Variants in ZFHX3 observed in about 807,000 individuals in gnomAD.
The protein encoded by ZFHX3 is zinc finger homeobox 3, also known as zinc finger homeobox protein 3.
ZFHX3 carries 42 observed loss-of-function variants against 279.1 expected under a neutral mutation model. The ratio of observed to expected loss-of-function variants is 0.15; its 90% CI spans 0.12 to 0.19. The LOEUF is 0.19. Ranked by LOEUF, ZFHX3 falls within the 10% of genes least tolerant of loss-of-function variation. The probability of loss-of-function intolerance (pLI) is 1.00; values close to 1 mark genes in which losing one functional copy is unlikely to be tolerated. For missense variants in ZFHX3, 4,981 were observed against 4,754.0 expected, an observed-to-expected ratio of 1.05 and a Z score of -1.40; for synonymous variants, 2,293 against 1,957.8, an observed-to-expected ratio of 1.17 and a Z score of -4.52.
chr16:72,955,563 G>A (rs1197162073), intron 2 of ZFHX3, among the ~76,000 whole-genome samples: 4 of 152,166 alleles, frequency 2.6e-5, no homozygotes, highest in African/African-American at 4.8e-5. Flanking sequence ...CAGATCACCT[G>A]AGGTCAAGGG....
chr16:73,700,136 T>A (rs1248586717), intron 1 of ZFHX3, among the ~76,000 whole-genome samples: 2 of 152,056 alleles, frequency 1.3e-5, no homozygotes, highest in Admixed American at 1.3e-4. Flanking sequence ...TGTGGGAGGA[T>A]CACTTGAGCT....
intron 1 of ZFHX3, among the ~76,000 whole-genome samples, chr16:73,835,069 G>A (rs903256275): frequency 6.6e-6 from 1 of 152,164 alleles, no homozygotes; most frequent in East Asian, 1.9e-4. Flanking sequence ...GGTAGCAAAG[G>A]TGCCACTCTA....
At chr16:73,375,037 G>C (rs919029815) in intron 3 of ZFHX3, among the ~76,000 whole-genome samples, 7 of 152,066 alleles carry the variant, frequency 4.6e-5, no homozygotes, top group African/African-American at 1.7e-4. Context: ...CACAAAATGG[G>C]CATCTTAATT....
chr16:72,831,217 GGAA>G (rs1053176533), intron 4 of ZFHX3, among the ~76,000 whole-genome samples: 1 of 152,146 alleles, frequency 6.6e-6, no homozygotes, highest in African/African-American at 2.4e-5. Context: ...AAAACACTGA[GGAA>G]GAAGATGTCT....
intron 3 of ZFHX3, among the ~76,000 whole-genome samples, chr16:72,938,748 G>T (rs1211860525): frequency 6.6e-6 from 1 of 152,220 alleles, no homozygotes; most frequent in African/African-American, 2.4e-5. Context: ...TGGATTCCGA[G>T]TTGGACACAA....
intron 5 of ZFHX3, among the ~76,000 whole-genome samples, chr16:73,248,766 A>G (rs888162036): frequency 1.3e-5 from 2 of 152,174 alleles, no homozygotes; most frequent in African/African-American, 2.4e-5. Context: ...TCTAGACCAC[A>G]TGAGTAACGT....
chr16:73,785,740 G>A (rs1959623119), intron 1 of ZFHX3, among the ~76,000 whole-genome samples: 4 of 152,162 alleles, frequency 2.6e-5, no homozygotes, highest in Admixed American at 2.6e-4. Context: ...CATTTCCAGA[G>A]CTTCTATTGG....
chr16:73,174,471 G>C (rs1001228031), intron 5 of ZFHX3, among the ~76,000 whole-genome samples: 3 of 152,042 alleles, frequency 2.0e-5, no homozygotes, highest in Non-Finnish European at 4.4e-5. Flanking sequence ...TGGTAGAAGG[G>C]GGCTGGTATT....
intron 5 of ZFHX3, among the ~76,000 whole-genome samples, chr16:73,157,072 A>G (rs1967105412): frequency 6.6e-6 from 1 of 152,066 alleles, no homozygotes; most frequent in Admixed American, 6.6e-5. Context: ...CCCGGGATAT[A>G]AGCCACGTTT....
chr16:72,798,035 G>A lies in ZFHX3; in HGVS notation c.4647C>T (p.Val1549=). 1 of 1,614,230 alleles carries A rather than the reference G, an allele frequency of 6.2e-7. No homozygotes were observed. ...LDPSRPYKCT[V]CKESFTQKNI... is the part of the protein sequence containing the mutation. ...TCTTTTGAGTGAAAGATTCCTTGCA[G>A]ACGGTACACTTGTAAGGGCGAGAAG... The change falls in exon 9 of 10, where the codon GTC becomes GTT. Residue 1549 remains valine, a synonymous_variant. Coordinates refer to ENST00000268489, the MANE Select transcript of ZFHX3 (RefSeq NM_006885.4).
intron 4 of ZFHX3, among the ~76,000 whole-genome samples, chr16:73,273,660 C>T (rs778189273): frequency 1.6e-4 from 25 of 152,154 alleles, no homozygotes; most frequent in Non-Finnish European, 2.9e-4. Flanking sequence ...TTTGTAAAGG[C>T]TATAGAGTAT....
At position 72,797,458 on chromosome 16, in the gene ZFHX3, CTTGTTGTTGTTG is replaced by C. The variant is rs34918837; in HGVS notation, c.5212_5223del (p.Gln1738_Gln1741del). On this transcript the variant is annotated inframe_deletion, in exon 9 of 10. Transcript: ENST00000268489. Reference sequence around the variant, plus strand: ...GCCTGGGCCTGGGCCAGCGTTTGTGCTTGTTGTTGTTGTTGTTGTTGTTGTTGTTGCTGTTGC... The same window carrying C: ...GCCTGGGCCTGGGCCAGCGTTTGTGCTTGTTGTTGTTGTTGTTGCTGTTGC... 1,151 of 1,606,010 alleles carry C rather than the reference CTTGTTGTTGTTG, an allele frequency of 7.2e-4. 3 individuals are homozygous for C. In the African/African-American group the frequency reaches 0.01, roughly 14 times the overall value.
rs1168560703 is a variant in ZFHX3, at chr16:72,782,893, A to G, written c.*4271T>C. 3 of 152,454 alleles carry G rather than the reference A, an allele frequency of 2.0e-5. No individual in the cohort carries two copies. The highest frequency in any genetic ancestry group is 4.4e-5 in the Non-Finnish European group (3 of 68,002). The allele number at this position is 152,454 out of a possible 1,614,324, so 9.4% of individuals were successfully genotyped here. On this transcript the variant is annotated 3_prime_UTR_variant, in exon 10 of 10. Coordinates refer to ENST00000268489, the MANE Select transcript of ZFHX3 (RefSeq NM_006885.4). Reference sequence around the variant, plus strand: ...GTAACAGAGACAGGAGCTTTTGCTCATATTTTTTTTTTAATGTATCACAAT... The same window carrying G: ...GTAACAGAGACAGGAGCTTTTGCTCGTATTTTTTTTTTAATGTATCACAAT...
chr16:73,371,477 T>C (rs1401472152), intron 3 of ZFHX3, among the ~76,000 whole-genome samples: 2 of 151,834 alleles, frequency 1.3e-5, no homozygotes, highest in African/African-American at 4.8e-5. Context: ...CTCCACTTCC[T>C]GCCAACCTCC....
chr16:73,624,767 G>A (rs1460162011), intron 2 of ZFHX3, among the ~76,000 whole-genome samples: 3 of 152,130 alleles, frequency 2.0e-5, no homozygotes, highest in African/African-American at 4.8e-5. Context: ...GGAGGTCACC[G>A]TAAGAAGTCC....
At chr16:73,705,435 C>G (rs922993304) in intron 1 of ZFHX3, among the ~76,000 whole-genome samples, 4 of 152,126 alleles carry the variant, frequency 2.6e-5, no homozygotes, top group African/African-American at 9.7e-5. Flanking sequence ...GGCCATTGGA[C>G]CTTGGGCCAG....
chr16:72,787,647 A>G lies in ZFHX3; in HGVS notation c.10629T>C (p.Ala3543=). 6.2e-7 allele frequency: 1 copy of G among 1,609,364 alleles called. No homozygotes were observed. Among genetic ancestry groups the G allele is most frequent in the Non-Finnish European group, 8.5e-7 (1 of 1,177,644 alleles). Reference sequence around the variant, plus strand: ...AGGCCGACTCGAGATGTTGACTCAGAGCTTCCTCCCCACAGAGCGCGCTCT... The same window carrying G: ...AGGCCGACTCGAGATGTTGACTCAGGGCTTCCTCCCCACAGAGCGCGCTCT... ...ACESALCGEE[A]LSQHLESALH... Residue 3543 remains alanine, a synonymous_variant, in exon 10 of 10, where the codon GCT becomes GCC. Coordinates refer to ENST00000268489, the MANE Select transcript of ZFHX3 (RefSeq NM_006885.4).
At chr16:73,760,466 G>GGCAGCATCATCCTGATACCAAAAC (rs1567400947) in intron 1 of ZFHX3, among the ~76,000 whole-genome samples, 2 of 149,972 alleles carry the variant, frequency 1.3e-5, no homozygotes. Context: ...GATACCAAAA[G>GGCAGCATCATCCTGATACCAAAAC]CTGGCAGCAT....
At chr16:72,827,124 A>G (rs1377141513) in intron 5 of ZFHX3, among the ~76,000 whole-genome samples, 1 of 152,144 alleles carries the variant, frequency 6.6e-6, no homozygotes, top group Non-Finnish European at 1.5e-5. Context: ...AAATGCACGA[A>G]ACATACGCAC....
Sources: gnomAD v4.1 joint callset for allele counts (sites outside exome capture counted in the v4.1 genomes callset) on GRCh38, gnomAD v4.1.1 for gene constraint, MANE v1.5 for transcripts, NCBI Gene and HGNC (gene_info 2026-07-23, HGNC 2026-07-21) for gene names.